Variants in ERBIN observed in about 807,000 individuals in gnomAD.
ERBIN encodes densin-180-like protein.
In ERBIN, 60 loss-of-function variants were observed where a neutral mutation model predicts 158.4. The ratio of observed to expected loss-of-function variants is 0.38; its 90% confidence interval spans 0.31 to 0.47. The LOEUF (loss-of-function observed/expected upper bound fraction) is 0.47, where lower values mean the gene tolerates loss of function less well. Among genes scored for constraint, ERBIN ranks in the 20% least tolerant of loss-of-function variants. The pLI is 0.99. For missense variants in ERBIN, 1,610 were observed against 1,648.0 expected, an observed-to-expected ratio of 0.98 and a Z score of 0.40; for synonymous variants, 594 against 557.2, an observed-to-expected ratio of 1.07 and a Z score of -0.93.
intron 4 of ERBIN, among the ~76,000 whole-genome samples, chr5:66,006,007 G>A (rs1753551594): frequency 6.6e-6 from 1 of 152,074 alleles, no homozygotes; most frequent in Admixed American, 6.5e-5. Flanking sequence ...TCCCCATCAA[G>A]CTACCAATGA....
At chr5:65,952,519 C>T (rs894013598) in intron 1 of ERBIN, among the ~76,000 whole-genome samples, 26 of 151,798 alleles carry the variant, frequency 1.7e-4, no homozygotes, top group African/African-American at 5.1e-4. Flanking sequence ...CATGGGTTGG[C>T]GCCCCTGCTC....
intron 1 of ERBIN, among the ~76,000 whole-genome samples, 186 bp downstream of exon 1, chr5:65,926,992 C>T (rs1561251873): frequency 6.6e-6 from 1 of 151,422 alleles, no homozygotes; most frequent in South Asian, 2.1e-4. Flanking sequence ...TCCCTTCTCC[C>T]CCCTGCCCCC....
chr5:66,052,060 G>A (rs1375141624), intron 20 of ERBIN, among the ~76,000 whole-genome samples: 2 of 152,004 alleles, frequency 1.3e-5, no homozygotes, highest in African/African-American at 4.8e-5. Context: ...GGCCAGGTAT[G>A]TTGGCACATG....
intron 4 of ERBIN, among the ~76,000 whole-genome samples, chr5:66,006,674 A>G (rs959634516): frequency 9.8e-5 from 15 of 152,286 alleles, no homozygotes; most frequent in Non-Finnish European, 4.4e-5. Flanking sequence ...CAGAATCTAC[A>G]ATGAACTCAA....
chr5:66,006,035 C>CA (rs1048151369), intron 4 of ERBIN, among the ~76,000 whole-genome samples: 6 of 151,296 alleles, frequency 4.0e-5, no homozygotes, highest in East Asian at 3.9e-4. Context: ...CACAGAATTG[C>CA]AAAAAAAACT....
intron 4 of ERBIN, among the ~76,000 whole-genome samples, chr5:66,004,769 G>A (rs961423241): frequency 6.6e-6 from 1 of 152,178 alleles, no homozygotes; most frequent in Non-Finnish European, 1.5e-5. Flanking sequence ...AGTTGTTGAG[G>A]GTAGGCCTTG....
intron 1 of ERBIN, among the ~76,000 whole-genome samples, chr5:65,956,295 C>T (rs756843274): frequency 2.0e-5 from 3 of 151,304 alleles, no homozygotes; most frequent in Non-Finnish European, 2.9e-5. Context: ...GCCCATATAG[C>T]ATGCATGCAT....
chr5:65,992,792 C>T lies in ERBIN; in HGVS notation c.74C>T (p.Thr25Ile). 6.2e-7 allele frequency: 1 copy of T among 1,613,814 alleles called. No individual in the cohort carries two copies. Among genetic ancestry groups the T allele is most frequent in the Non-Finnish European group, 8.5e-7 (1 of 1,179,828 alleles). ...RCLRGEEETV[T>I]TLDYSHCSLE... ...CTACGAGGGGAAGAGGAGACTGTCA[C>T]TACTCTTGATTATTCTCATTGCAGC... The change falls in exon 3 of 26, where the codon ACT (threonine) becomes ATT (isoleucine). Residue 25 changes from threonine to isoleucine, a missense_variant. Thr to Ile is a moderately conservative substitution (Grantham distance 89). Around this residue, in one of 2 missense-constraint regions of ERBIN, gnomAD observed 596 missense variants for 711.9 expected, o/e 0.84. Coordinates refer to ENST00000284037, the MANE Select transcript of ERBIN (RefSeq NM_001253697.2).
At chr5:66,070,128 T>C (rs906483078) in intron 21 of ERBIN, among the ~76,000 whole-genome samples, 1 of 152,096 alleles carries the variant, frequency 6.6e-6, no homozygotes, top group Non-Finnish European at 1.5e-5. Flanking sequence ...CACTGCAACC[T>C]CCGCCTCCCG....
At chr5:65,993,428 A>G (rs1361925411) in intron 3 of ERBIN, among the ~76,000 whole-genome samples, 1 of 152,200 alleles carries the variant, frequency 6.6e-6, no homozygotes, top group East Asian at 1.9e-4. Flanking sequence ...AACAACTGAA[A>G]GGAGAAAGTT....
At chr5:66,037,565 G>A (rs1757514992) in intron 14 of ERBIN, among the ~76,000 whole-genome samples, 1 of 152,096 alleles carries the variant, frequency 6.6e-6, no homozygotes, top group South Asian at 2.1e-4. Flanking sequence ...GAACAGAAAG[G>A]AATGTTTAAA....
chr5:66,077,566 G>T (rs947672778), intron 25 of ERBIN, among the ~76,000 whole-genome samples: 4 of 151,786 alleles, frequency 2.6e-5, no homozygotes, highest in Non-Finnish European at 4.4e-5. Flanking sequence ...TTAAATTCTG[G>T]TCCCAACACT....
chr5:66,053,857 T>A lies in ERBIN; in HGVS notation c.2539T>A (p.Leu847Ile). The stretch of plus-strand genomic sequence containing the variant: ...ACATGACAGTGATTGTTCTGTTGAC[T>A]TAGGTATTTCCAAAAGCACTGAAGA... ...EPHDSDCSVD[L>I]GISKSTEDLS... The change falls in exon 21 of 26, where the codon TTA becomes ATA. Residue 847 changes from leucine (L) to isoleucine (I), a missense_variant. Leu to Ile is a conservative substitution (Grantham distance 5). Around this residue, in one of 2 missense-constraint regions of ERBIN, gnomAD observed 1,014 missense variants for 936.1 expected, o/e 1.08. Coordinates refer to ENST00000284037, the MANE Select transcript of ERBIN (RefSeq NM_001253697.2). 6.2e-7 allele frequency: 1 copy of A among 1,614,116 alleles called. No homozygotes were observed.
In ERBIN at chr5:65,992,849, T is replaced by A; in HGVS notation, c.131T>A (p.Phe44Tyr). Reference protein sequence around the residue: ...LEQVPKEIFTFEKTLEELYLD... With the variant: ...LEQVPKEIFTYEKTLEELYLD... The stretch of plus-strand genomic sequence containing the variant: ...CAAGTTCCGAAAGAGATTTTTACTT[T>A]TGAAAAAACCTTGGAGGAACTCTAT... Residue 44 changes from phenylalanine (F) to tyrosine (Y), a missense_variant, in exon 3 of 26, where the codon TTT becomes TAT. Transcript: ENST00000284037. The A allele has an allele frequency of 6.2e-7, 1 of 1,613,064 alleles. No individual in the cohort carries two copies. The highest frequency in any genetic ancestry group is 8.5e-7 in the Non-Finnish European group (1 of 1,179,672).
At position 66,072,246 on chromosome 5, in the gene ERBIN, A is replaced by G; in HGVS notation, c.3711A>G (p.Ser1237=). The change falls in exon 22 of 26, where the codon TCA becomes TCG. Residue 1237 remains serine (S), a synonymous_variant. Coordinates refer to ENST00000284037, the MANE Select transcript of ERBIN (RefSeq NM_001253697.2). The stretch of plus-strand genomic sequence containing the variant: ...TTTCAGGACAGCAGAACTACTCATC[A>G]GCCACACTTAGTCACAAAGATGTTC... ...IFISGQQNYS[S]ATLSHKDVPP... The G allele has an allele frequency of 6.4e-7, 1 of 1,550,476 alleles. No homozygotes were observed. The highest frequency in any genetic ancestry group is 8.7e-7 in the Non-Finnish European group (1 of 1,146,936).
chr5:65,999,665 T>A (rs187058576), intron 4 of ERBIN, among the ~76,000 whole-genome samples: 1 of 152,350 alleles, frequency 6.6e-6, no homozygotes, highest in African/African-American at 2.4e-5. Context: ...TTGCTCATGA[T>A]TTTCATGACA....
intron 1 of ERBIN, among the ~76,000 whole-genome samples, chr5:65,987,395 C>CACACACACACACACACAA (rs1554053523): frequency 9.3e-5 from 14 of 151,166 alleles, no homozygotes; most frequent in African/African-American, 2.7e-4. Context: ...CACACACACA[C>CACACACACACACACACAA]GAAAAAAGAA....
At chr5:66,059,423 T>G (rs1277508781) in intron 21 of ERBIN, among the ~76,000 whole-genome samples, 1 of 152,238 alleles carries the variant, frequency 6.6e-6, no homozygotes, top group African/African-American at 2.4e-5. Flanking sequence ...CTTATCAGCT[T>G]AAGGAGATTT....
intron 1 of ERBIN, among the ~76,000 whole-genome samples, chr5:65,986,797 TA>T (rs1751281742): frequency 6.6e-6 from 1 of 152,242 alleles, no homozygotes; most frequent in Non-Finnish European, 1.5e-5. Flanking sequence ...CTATAATTAA[TA>T]AAGCAAATAA....
Sources: gnomAD v4.1 joint callset for allele counts (sites outside exome capture counted in the v4.1 genomes callset) on GRCh38, gnomAD v4.1.1 for gene constraint, gnomAD v4.1.1 regional missense constraint, MANE v1.5 for transcripts, NCBI Gene and HGNC (gene_info 2026-07-23, HGNC 2026-07-21) for gene names.